The following FRMD3 variants were observed in gnomAD, a reference collection of about 807,000 sequenced individuals.
FRMD3 encodes the protein FERM domain-containing protein 3.
Under a neutral mutation model 70.2 loss-of-function variants are expected in FRMD3, and 33 were observed. The ratio of observed to expected loss-of-function variants is 0.47; its 90% CI spans 0.36 to 0.63. The LOEUF (loss-of-function observed/expected upper bound fraction) is 0.63. Among genes scored for constraint, FRMD3 ranks in the 20% least tolerant of loss-of-function variants. The pLI is 0.00. For synonymous variants in FRMD3, 279 were observed against 255.9 expected, an observed-to-expected ratio of 1.09 and a Z score of -0.86; for missense variants, 632 against 711.4, an observed-to-expected ratio of 0.89 and a Z score of 1.27.
chr9:83,334,121 G>A (rs1823492091), intron 6 of FRMD3, among the ~76,000 whole-genome samples: 1 of 152,024 alleles, frequency 6.6e-6, no homozygotes, highest in South Asian at 2.1e-4. Flanking sequence ...CTCACCCTGT[G>A]CTCCCCGGAA....
At chr9:83,393,758 C>T (rs1399698743) in intron 1 of FRMD3, among the ~76,000 whole-genome samples, 22 of 152,042 alleles carry the variant, frequency 1.4e-4, no homozygotes, top group Non-Finnish European at 8.8e-5. Context: ...TCAGGTAGTA[C>T]TGCGAGGGAT....
rs576098237 is a variant in FRMD3, at chr9:83,522,396, G to T, written c.147+15689C>A. ...GCGTAGAGAAGCCTTCAGCGGCTGG[G>T]GGGGCAGGGAGCTGTGCCTGTCCCA... On this transcript the variant is annotated intron_variant, in intron 1 of 13. Transcript: ENST00000304195. Among the ~76,000 whole-genome samples, 9 of 152,188 alleles carry T rather than the reference G, an allele frequency of 5.9e-5. No homozygotes were observed. The East Asian group carries it at 7.8e-4, about 13-fold the overall frequency.
chr9:83,462,357 T>A (rs1828000177), intron 1 of FRMD3, among the ~76,000 whole-genome samples: 2 of 152,196 alleles, frequency 1.3e-5, no homozygotes, highest in South Asian at 4.1e-4. Context: ...CATCTAAGCA[T>A]CAAGGAGGCC....
At chr9:83,325,255 A>G (rs1394694898) in intron 6 of FRMD3, among the ~76,000 whole-genome samples, 1 of 152,236 alleles carries the variant, frequency 6.6e-6, no homozygotes, top group African/African-American at 2.4e-5. Context: ...CCCACACTTC[A>G]CCACTATGCA....
chr9:83,418,001 T>A (rs1316658357), intron 1 of FRMD3, among the ~76,000 whole-genome samples: 2 of 151,500 alleles, frequency 1.3e-5, no homozygotes, highest in Non-Finnish European at 2.9e-5. Flanking sequence ...AGGTTGAAGA[T>A]GACTGAGAAA....
chr9:83,444,574 T>G (rs1323720724), intron 1 of FRMD3, among the ~76,000 whole-genome samples: 2 of 152,182 alleles, frequency 1.3e-5, no homozygotes, highest in African/African-American at 4.8e-5. Flanking sequence ...AGGACGAAAA[T>G]GGCCACAGAA....
chr9:83,415,751 C>T (rs1025879934), intron 1 of FRMD3, among the ~76,000 whole-genome samples: 44 of 151,124 alleles, frequency 2.9e-4, no homozygotes, highest in Non-Finnish European at 2.2e-4. Context: ...TGAGCCACTG[C>T]GCCCAGCCGA....
intron 1 of FRMD3, among the ~76,000 whole-genome samples, chr9:83,502,184 G>A (rs941442893): frequency 1.2e-4 from 19 of 152,176 alleles, no homozygotes; most frequent in African/African-American, 4.1e-4. Context: ...GTTCCAAAGG[G>A]CAATTGCATC....
the FRMD3 span, among the ~76,000 whole-genome samples, chr9:83,568,715 G>T: frequency 6.6e-6 from 1 of 152,020 alleles, no homozygotes; most frequent in Admixed American, 6.6e-5. Flanking sequence ...TAGGTTTACT[G>T]CAATTAAGAT....
intron 5 of FRMD3, among the ~76,000 whole-genome samples, chr9:83,338,307 C>T (rs1823644853): frequency 6.6e-6 from 1 of 152,202 alleles, no homozygotes; most frequent in Non-Finnish European, 1.5e-5. Context: ...ATGCATGTTG[C>T]TCCTCCAGAG....
At chr9:83,384,928 G>C (rs1247802420) in intron 2 of FRMD3, among the ~76,000 whole-genome samples, 3 of 152,128 alleles carry the variant, frequency 2.0e-5, no homozygotes, top group Non-Finnish European at 4.4e-5. Flanking sequence ...CAGTCCTAGT[G>C]TAATTCTTCC....
At position 83,363,553 on chromosome 9, in the gene FRMD3, C is replaced by CTTTTT. The variant is rs34789292; in HGVS notation, c.295+9355_295+9359dup. 4.9e-4 allele frequency among the ~76,000 whole-genome samples: 55 copies of CTTTTT among 113,334 alleles called. 2 individuals carry two copies. The highest frequency in any genetic ancestry group is 6.7e-4 in the African/African-American group (21 of 31,332). The allele number at this position is 113,334 out of a possible 152,430, so 74.4% of individuals were successfully genotyped here. ...GATTTGCTGGACCAAGAGACATAGG[C>CTTTTT]TTTTTTTTTTTTTTTTTTTTGAGAC... is the stretch of plus-strand genomic sequence containing the variant. On this transcript the variant is annotated intron_variant, in intron 3 of 13. Transcript: ENST00000304195.
intron 1 of FRMD3, among the ~76,000 whole-genome samples, chr9:83,524,455 T>C (rs28633941): frequency 6.6e-6 from 1 of 152,226 alleles, no homozygotes; most frequent in African/African-American, 2.4e-5. Flanking sequence ...ATGGAAAGAA[T>C]TTAGACTGTG....
At position 83,455,723 on chromosome 9, in the gene FRMD3, A is replaced by G. The variant is rs115018603; in HGVS notation, c.148-66015T>C. The stretch of plus-strand genomic sequence containing the variant: ...TTGTGATAAGCAACTACCTCTGACT[A>G]TATCAGAAACCTCAACAATTTACCA... On this transcript the variant is annotated intron_variant, in intron 1 of 13. Transcript: ENST00000304195. Among the ~76,000 whole-genome samples the G allele has an allele frequency of 9.0e-3, 1,378 of 152,310 alleles. 15 individuals are homozygous for G. Among genetic ancestry groups the G allele is most frequent in the African/African-American group, 0.031 (1,296 of 41,576 alleles).
chr9:83,243,239 A>G (rs1344929576), downstream of FRMD3: 10 of 1,549,546 alleles, frequency 6.5e-6, no homozygotes, highest in Non-Finnish European at 7.9e-6. Flanking sequence ...TGCAGGTCCA[A>G]GAGAAAAGGA....
Position 83,309,167 on chromosome 9 carries a change from A to G in FRMD3, c.926+369T>C, listed in dbSNP as rs780143325. ...CATCCCAAATAAGCTACTTGTACCA[A>G]ACTATCTCAAGGTCTGCTTTGTGGG... On this transcript the variant is annotated intron_variant, in intron 10 of 13. Transcript: ENST00000304195. 4.6e-5 allele frequency among the ~76,000 whole-genome samples: 7 copies of G among 151,976 alleles called. 1 individual carries two copies. The highest frequency in any genetic ancestry group is 7.4e-5 in the Non-Finnish European group (5 of 68,016).
intron 2 of FRMD3, among the ~76,000 whole-genome samples, chr9:83,386,801 A>T (rs908705939): frequency 5.9e-5 from 9 of 152,224 alleles, no homozygotes; most frequent in Non-Finnish European, 8.8e-5. Context: ...CTGTGAATCC[A>T]GTCTGTCCTT....
intron 13 of FRMD3, among the ~76,000 whole-genome samples, chr9:83,281,391 G>C (rs547275463): frequency 7.2e-5 from 11 of 152,280 alleles, no homozygotes; most frequent in Admixed American, 7.2e-4. Context: ...CACTCTGGCT[G>C]TCACAGCTGG....
intron 1 of FRMD3, among the ~76,000 whole-genome samples, chr9:83,412,826 C>T (rs1356900097): frequency 1.3e-5 from 2 of 152,054 alleles, no homozygotes; most frequent in African/African-American, 4.8e-5. Context: ...GAAACCTCAT[C>T]TCTACCAAAA....
Sources: gnomAD v4.1 joint callset for allele counts (sites outside exome capture counted in the v4.1 genomes callset) on GRCh38, gnomAD v4.1.1 for gene constraint, MANE v1.5 for transcripts, NCBI Gene and HGNC (gene_info 2026-07-23, HGNC 2026-07-21) for gene names.